Variants in RNF212 observed in about 807,000 individuals in gnomAD.
RNF212 encodes ring finger protein 212.
Under a neutral mutation model 34.7 loss-of-function variants are expected in RNF212, and 33 were observed. That is an observed-to-expected ratio of 0.95 (90% CI 0.72 to 1.27). RNF212 has a LOEUF of 1.27. Ranked by LOEUF, RNF212 falls within the 50% of genes most tolerant of loss-of-function variation. The pLI, the probability that RNF212 is intolerant of heterozygous loss-of-function variation, is 0.00. For synonymous variants in RNF212, 140 were observed against 136.1 expected (o/e 1.03, Z -0.20); for missense variants, 377 against 362.2 (o/e 1.04, Z -0.33).
In RNF212 at chr4:1,072,904, A is replaced by G. The variant is rs1460280235; in HGVS notation, c.864T>C (p.Leu288=). 1 of 1,612,718 alleles carries G rather than the reference A, an allele frequency of 6.2e-7. No homozygotes were observed. Among genetic ancestry groups the G allele is most frequent in the Non-Finnish European group, 8.5e-7 (1 of 1,179,098 alleles). ...RTPAVSVVFP[L]CQFERKKSF is the part of the protein sequence containing the mutation. ...ATGACTTTTTCCTTTCAAATTGGCA[A>G]AGAGGAAACACAACAGACACAGCGG... The change falls in exon 10 of 10, where the codon CTT becomes CTC. Residue 288 remains leucine (L), a synonymous_variant. Coordinates refer to ENST00000433731, the MANE Select transcript of RNF212 (RefSeq NM_001131034.4).
chr4:1,097,113 G>A (rs1341683879), intron 2 of RNF212, among the ~76,000 whole-genome samples: 1 of 152,106 alleles, frequency 6.6e-6, no homozygotes, highest in African/African-American at 2.4e-5. Context: ...CTCCTCAAAA[G>A]GGTCTTAGTG....
At chr4:1,060,780 G>A (rs947155496) in intron 3 of RNF212, among the ~76,000 whole-genome samples, 1 of 152,224 alleles carries the variant, frequency 6.6e-6, no homozygotes, top group Admixed American at 6.5e-5. Context: ...AGCGCCCTGC[G>A]CCCCTGCTGA....
At chr4:1,067,711 A>G (rs1577624199), downstream of RNF212, among the ~76,000 whole-genome samples, 1 of 152,138 alleles carries the variant, frequency 6.6e-6, no homozygotes, top group Non-Finnish European at 1.5e-5. Context: ...TAAAATTACA[A>G]AAATTAGCCG....
chr4:1,090,364 A>G (rs1332094514), intron 4 of RNF212, among the ~76,000 whole-genome samples: 2 of 152,200 alleles, frequency 1.3e-5, no homozygotes, highest in Admixed American at 6.5e-5. Flanking sequence ...AAGCGGCCCC[A>G]GGTTCCCTTG....
chr4:1,095,155 G>A (rs582202), intron 3 of RNF212, among the ~76,000 whole-genome samples: 16,671 of 61,122 alleles, frequency 0.27, 1,991 homozygotes, highest in African/African-American at 0.49. Flanking sequence ...AACCAAGCAC[G>A]CCCCCCACAG....
downstream of RNF212, among the ~76,000 whole-genome samples, chr4:1,067,283 T>C (rs921281235): frequency 6.6e-6 from 1 of 152,062 alleles, no homozygotes; most frequent in Non-Finnish European, 1.5e-5. Context: ...GTTAAGGAGA[T>C]ACCGATAAAC....
At chr4:1,079,371 C>A (rs1280111595) in intron 8 of RNF212, among the ~76,000 whole-genome samples, 2 of 152,280 alleles carry the variant, frequency 1.3e-5, no homozygotes, top group African/African-American at 4.8e-5. Context: ...ACAGAACCTG[C>A]ATGGGACCCT....
intron 3 of RNF212, among the ~76,000 whole-genome samples, chr4:1,062,275 T>A (rs770538866): frequency 6.6e-5 from 10 of 152,188 alleles, no homozygotes; most frequent in Non-Finnish European, 1.2e-4. Context: ...ATAAGAAAGA[T>A]CATACACCAC....
At chr4:1,093,778 G>A (rs1182685656) in intron 3 of RNF212, 1 of 1,536,344 alleles carries the variant, frequency 6.5e-7, no homozygotes, top group East Asian at 2.4e-5. Context: ...TGAGGGTCCT[G>A]CTGGGATGGA....
At chr4:1,093,854 C>A (rs1052008812) in intron 3 of RNF212, 2 of 1,536,018 alleles carry the variant, frequency 1.3e-6, no homozygotes. Flanking sequence ...GCTCTGGGAC[C>A]GCCGGCATCC....
intron 8 of RNF212, among the ~76,000 whole-genome samples, chr4:1,079,103 CCAACACAGGGT>C (rs1241477261): frequency 4.0e-5 from 6 of 151,354 alleles, no homozygotes; most frequent in Admixed American, 6.6e-5. Flanking sequence ...CAACATAGGA[CCAACACAGGGT>C]CAACACAGGA....
chr4:1,103,076 A>G (rs1724280077), intron 2 of RNF212, among the ~76,000 whole-genome samples: 1 of 152,232 alleles, frequency 6.6e-6, no homozygotes. Context: ...AGGCATCATT[A>G]TGGAACTTAC....
intron 3 of RNF212, among the ~76,000 whole-genome samples, chr4:1,064,182 G>A (rs1012151686): frequency 2.0e-5 from 3 of 152,150 alleles, no homozygotes; most frequent in African/African-American, 7.2e-5. Context: ...ACACCATATT[G>A]TTAGATTTAT....
downstream of RNF212, among the ~76,000 whole-genome samples, chr4:1,066,763 T>C (rs533576001): frequency 3.3e-5 from 5 of 152,236 alleles, no homozygotes; most frequent in Non-Finnish European, 7.3e-5. Flanking sequence ...TTTTACTCTA[T>C]TGATAGTATC....
chr4:1,064,326 G>C (rs1717947892), intron 3 of RNF212, among the ~76,000 whole-genome samples: 1 of 152,200 alleles, frequency 6.6e-6, no homozygotes, highest in Non-Finnish European at 1.5e-5. Context: ...TGTTCACTGT[G>C]GTGAGTTCAA....
intron 2 of RNF212, among the ~76,000 whole-genome samples, chr4:1,105,488 G>A (rs1013206329): frequency 2.6e-5 from 4 of 152,254 alleles, no homozygotes; most frequent in Admixed American, 6.5e-5. Context: ...CACACACTGC[G>A]AAGCAGAATA....
At chr4:1,099,605 A>C in intron 2 of RNF212, 1 of 407,854 alleles carries the variant, frequency 2.5e-6, no homozygotes, top group Non-Finnish European at 4.9e-6. Flanking sequence ...GATTGCTCGC[A>C]CAATCCCCAG....
intron 9 of RNF212, 98 bp downstream of exon 9, chr4:1,073,501 T>C: frequency 1.0e-6 from 1 of 958,164 alleles, no homozygotes; most frequent in Non-Finnish European, 1.7e-6. Context: ...AGCACCCCCT[T>C]GGGTAGGTTC....
chr4:1,095,451 A>C (rs56294238), intron 3 of RNF212, among the ~76,000 whole-genome samples: 19 of 15,572 alleles, frequency 1.2e-3, no homozygotes, highest in Admixed American at 3.4e-3. Context: ...ACCAAGCACA[A>C]CTCCCACAGC....
Sources: allele counts gnomAD v4.1 joint callset (sites outside exome capture counted in the v4.1 genomes callset), GRCh38; gene constraint gnomAD v4.1.1; transcripts MANE v1.5; gene names NCBI Gene and HGNC (gene_info 2026-07-23, HGNC 2026-07-21).